Variants in PRKCB observed in about 807,000 individuals in gnomAD.
PRKCB encodes the protein protein kinase C beta.
In PRKCB, 13 loss-of-function variants were observed where a neutral mutation model predicts 81.5. The observed-to-expected ratio is 0.16, with a 90% CI of 0.10 to 0.25. The LOEUF is 0.25. Among genes scored for constraint, PRKCB ranks in the 10% least tolerant of loss-of-function variants. The probability of loss-of-function intolerance (pLI) is 1.00; values close to 1 mark genes in which losing one functional copy is unlikely to be tolerated. For missense variants in PRKCB, 509 were observed against 875.7 expected (o/e 0.58, Z 5.29); for synonymous variants, 335 against 321.4 (o/e 1.04, Z -0.45).
intron 2 of PRKCB, among the ~76,000 whole-genome samples, chr16:23,956,593 T>C (rs1328802942): frequency 6.6e-6 from 1 of 152,186 alleles, no homozygotes; most frequent in African/African-American, 2.4e-5. Flanking sequence ...CAAAGGATAT[T>C]AACATTTTTA....
At chr16:24,003,741 A>G (rs1965073255) in intron 3 of PRKCB, among the ~76,000 whole-genome samples, 1 of 152,164 alleles carries the variant, frequency 6.6e-6, no homozygotes, top group Non-Finnish European at 1.5e-5. Flanking sequence ...TTGGTTCTCT[A>G]TCACTGGGAG....
At chr16:23,874,433 C>T (rs1034841186) in intron 2 of PRKCB, among the ~76,000 whole-genome samples, 17 of 152,148 alleles carry the variant, frequency 1.1e-4, no homozygotes, top group African/African-American at 2.7e-4. Context: ...ATGTGTGAAA[C>T]GTCCTAGATA....
Position 24,092,836 on chromosome 16 carries a change from C to T in PRKCB, c.575C>T (p.Ser192Leu). Reference sequence around the variant, plus strand: ...GTACCTATGGACCCCAATGGCCTGTCAGATCCCTACGTAAAACTGAAACTG... The same window carrying T: ...GTACCTATGGACCCCAATGGCCTGTTAGATCCCTACGTAAAACTGAAACTG... ...NLVPMDPNGL[S>L]DPYVKLKLIP... The change falls in exon 6 of 17, where the codon TCA becomes TTA. Residue 192 changes from serine to leucine, a missense_variant. Transcript: ENST00000643927. 1.9e-6 allele frequency: 3 copies of T among 1,614,126 alleles called. No homozygotes were observed. Among genetic ancestry groups the T allele is most frequent in the Non-Finnish European group, 2.5e-6 (3 of 1,180,022 alleles).
intron 2 of PRKCB, among the ~76,000 whole-genome samples, chr16:23,968,427 T>G (rs2141799067): frequency 6.6e-6 from 1 of 152,266 alleles, no homozygotes; most frequent in Admixed American, 6.5e-5. Flanking sequence ...GGGAATAGTT[T>G]GGAGCCTATT....
At chr16:24,204,567 A>C (rs1968015154) in intron 16 of PRKCB, among the ~76,000 whole-genome samples, 3 of 152,214 alleles carry the variant, frequency 2.0e-5, no homozygotes, top group Admixed American at 6.5e-5. Flanking sequence ...TGAAGCCAAC[A>C]ATGTGGGTTT....
At chr16:24,140,373 G>A (rs1467024245) in intron 9 of PRKCB, among the ~76,000 whole-genome samples, 1 of 152,190 alleles carries the variant, frequency 6.6e-6, no homozygotes, top group Non-Finnish European at 1.5e-5. Flanking sequence ...TAACCACCCG[G>A]TGGGATCTTC....
At chr16:24,020,761 G>A (rs1037678557) in intron 3 of PRKCB, among the ~76,000 whole-genome samples, 29 of 152,158 alleles carry the variant, frequency 1.9e-4, no homozygotes, top group Admixed American at 5.2e-4. Context: ...TAGAGCCTCA[G>A]GAGCTTTCAT....
intron 13 of PRKCB, among the ~76,000 whole-genome samples, chr16:24,182,687 C>G (rs1231721515): frequency 6.6e-6 from 1 of 152,102 alleles, no homozygotes; most frequent in Non-Finnish European, 1.5e-5. Context: ...CATGACAAAG[C>G]CTGACCTGCT....
intron 12 of PRKCB, 77 bp from the exon 13 acceptor site, chr16:24,180,713 T>A (rs1445939775): frequency 1.3e-6 from 2 of 1,532,744 alleles, no homozygotes; most frequent in African/African-American, 2.7e-5. Context: ...CAGTGTTTTA[T>A]GCATAATGAG....
chr16:24,116,317 G>T (rs1346301922), intron 8 of PRKCB, among the ~76,000 whole-genome samples: 1 of 152,088 alleles, frequency 6.6e-6, no homozygotes, highest in African/African-American at 2.4e-5. Flanking sequence ...AGCACTTTGG[G>T]AGGCTGAGGC....
At chr16:23,872,549 A>C (rs1962922231) in intron 2 of PRKCB, among the ~76,000 whole-genome samples, 1 of 151,966 alleles carries the variant, frequency 6.6e-6, no homozygotes, top group African/African-American at 2.4e-5. Context: ...TAATAAATAA[A>C]AGTTAAATAT....
At chr16:23,847,454 AT>A (rs1245522516) in intron 2 of PRKCB, among the ~76,000 whole-genome samples, 16 of 148,022 alleles carry the variant, frequency 1.1e-4, no homozygotes, top group Non-Finnish European at 6.0e-5. Context: ...CCATCCATCC[AT>A]CCATCCATCC....
chr16:24,138,264 GCTCTGTAA>G (rs1466773368), intron 9 of PRKCB, among the ~76,000 whole-genome samples: 2 of 152,192 alleles, frequency 1.3e-5, no homozygotes, highest in Non-Finnish European at 2.9e-5. Context: ...TATTAGCAGT[GCTCTGTAA>G]CTCCAACAAC....
chr16:24,138,403 C>T (rs1488688577), intron 9 of PRKCB, among the ~76,000 whole-genome samples: 2 of 152,112 alleles, frequency 1.3e-5, no homozygotes, highest in Non-Finnish European at 2.9e-5. Flanking sequence ...CAGTAGAAGC[C>T]ATCAATTATT....
Position 24,215,030 on chromosome 16 carries a change from A to T in PRKCB, c.*214A>T. 1.5e-6 allele frequency: 2 copies of T among 1,347,616 alleles called. No individual in the cohort carries two copies. The highest frequency in any genetic ancestry group is 1.9e-6 in the Non-Finnish European group (2 of 1,049,062). 83.5% of individuals were successfully genotyped at this position (1,347,616 alleles called of 1,614,324 possible). ...GATGGCCTATGGAAAATGCAGCTGCATAATTAACACATTATCAAAGTCCTC... is the reference window on the plus strand; with the variant it reads ...GATGGCCTATGGAAAATGCAGCTGCTTAATTAACACATTATCAAAGTCCTC... On this transcript the variant is annotated 3_prime_UTR_variant, in exon 17 of 17. Transcript: ENST00000643927.
chr16:23,918,804 CA>C (rs1466343285), intron 2 of PRKCB, among the ~76,000 whole-genome samples: 1 of 151,838 alleles, frequency 6.6e-6, no homozygotes, highest in Non-Finnish European at 1.5e-5. Context: ...AAATAGGACT[CA>C]AAAGTACAAT....
At chr16:23,973,129 G>T (rs1162454778) in intron 2 of PRKCB, among the ~76,000 whole-genome samples, 1 of 152,034 alleles carries the variant, frequency 6.6e-6, no homozygotes, top group Non-Finnish European at 1.5e-5. Flanking sequence ...ACCTAGACTG[G>T]CAGGTCAGGA....
intron 5 of PRKCB, among the ~76,000 whole-genome samples, chr16:24,090,326 C>G (rs1002765872): frequency 3.9e-5 from 6 of 152,176 alleles, no homozygotes; most frequent in Admixed American, 6.5e-5. Flanking sequence ...TCCTGGTAGC[C>G]GATTCAATGC....
At chr16:24,149,630 G>A (rs2141950217) in intron 9 of PRKCB, among the ~76,000 whole-genome samples, 1 of 152,330 alleles carries the variant, frequency 6.6e-6, no homozygotes, top group South Asian at 2.1e-4. Context: ...CAGAGCTCCT[G>A]AAGGAGAGGG....
Sources: gnomAD v4.1 joint callset for allele counts (sites outside exome capture counted in the v4.1 genomes callset) on GRCh38, gnomAD v4.1.1 for gene constraint, MANE v1.5 for transcripts, NCBI Gene and HGNC (gene_info 2026-07-23, HGNC 2026-07-21) for gene names.